Variants in ZNF692 observed in about 807,000 individuals in gnomAD.
The protein encoded by ZNF692 is AICAR responsive element binding protein.
ZNF692 carries 41 observed loss-of-function variants against 49.0 expected under a neutral mutation model. The observed-to-expected ratio is 0.84, with a 90% CI of 0.65 to 1.08. The LOEUF (loss-of-function observed/expected upper bound fraction) is 1.08. Ranked by LOEUF, ZNF692 falls within the 50% of genes least tolerant of loss-of-function variation. ZNF692 has a pLI of 0.00. For synonymous variants in ZNF692, 288 were observed against 251.5 expected, an observed-to-expected ratio of 1.15 and a Z score of -1.37; for missense variants, 662 against 662.2, an observed-to-expected ratio of 1.00 and a Z score of 0.00.
chr1:248,858,675 C>G lies in ZNF692; in HGVS notation c.-13+243G>C, dbSNP rs1255944515. ...TCCACACATTTCATCTTGAATAGGGCAGCGGCCTTTACTGGTTTCTAGGGG... is the reference window on the plus strand; with the variant it reads ...TCCACACATTTCATCTTGAATAGGGGAGCGGCCTTTACTGGTTTCTAGGGG... On this transcript the variant is annotated intron_variant, in intron 1 of 11. Transcript: ENST00000306601. The surrounding 1 kb of genome is among the most constrained non-coding windows in gnomAD (Gnocchi z 4.3). The G allele has an allele frequency of 4.2e-6, 4 of 944,672 alleles. No homozygotes were observed. The African/African-American group carries it at 6.5e-5, about 15-fold the overall frequency. The allele number at this position is 944,672 out of a possible 1,614,324, so 58.5% of individuals were successfully genotyped here.
At chr1:248,854,226 T>A in intron 9 of ZNF692, 175 bp from the exon 10 acceptor site, 1 of 586,912 alleles carries the variant, frequency 1.7e-6, no homozygotes, top group South Asian at 2.0e-5. Context: ...AGTCCTCACC[T>A]ACACCATGAG....
intron 3 of ZNF692, 41 bp from the exon 4 acceptor site, chr1:248,857,538 C>T: frequency 6.3e-7 from 1 of 1,583,708 alleles, no homozygotes; most frequent in South Asian, 1.2e-5. Flanking sequence ...ACTGGGAAGT[C>T]TCCTCCTCTT....
chr1:248,858,542 A>C lies in ZNF692; in HGVS notation c.-12-221T>G, dbSNP rs1393628233. On this transcript the variant is annotated intron_variant, in intron 1 of 11. Transcript: ENST00000306601. The surrounding 1 kb of genome is among the most constrained non-coding windows in gnomAD (Gnocchi z 4.3). ...GAGTGTCGTCGGGTGGGAGGCAGGCAGACAGAAGCAGTCAGAACAAAGGCC... is the reference window on the plus strand; with the variant it reads ...GAGTGTCGTCGGGTGGGAGGCAGGCCGACAGAAGCAGTCAGAACAAAGGCC... 1 of 1,551,754 alleles carries C rather than the reference A, an allele frequency of 6.4e-7. No individual in the cohort carries two copies. Among genetic ancestry groups the C allele is most frequent in the East Asian group, 2.4e-5 (1 of 40,926 alleles).
Position 248,858,746 on chromosome 1 carries a change from G to A in ZNF692, c.-13+172C>T. 1.6e-6 allele frequency: 1 copy of A among 636,958 alleles called. No individual in the cohort carries two copies. The highest frequency in any genetic ancestry group is 2.8e-6 in the Non-Finnish European group (1 of 359,830). The allele number at this position is 636,958 out of a possible 1,614,324, so 39.5% of individuals were successfully genotyped here. A position where few individuals can be genotyped will look rare whatever the true frequency, so the allele number is the denominator to read the frequency against. On this transcript the variant is annotated intron_variant, in intron 1 of 11. Coordinates refer to ENST00000306601, the MANE Select transcript of ZNF692 (RefSeq NM_017865.4). The surrounding 1 kb of genome is among the most constrained non-coding windows in gnomAD (Gnocchi z 4.3). ...CGTGCAGCTGGGGGCGCTCTTCATA[G>A]TTGGGTCGAGTGGCGGTGAGGCCGT...
In ZNF692 at chr1:248,858,609, C is replaced by G; in HGVS notation, c.-12-288G>C. 1 of 1,514,422 alleles carries G rather than the reference C, an allele frequency of 6.6e-7. No homozygotes were observed. The highest frequency in any genetic ancestry group is 9.0e-7 in the Non-Finnish European group (1 of 1,113,420). 93.8% of individuals were successfully genotyped at this position (1,514,422 alleles called of 1,614,324 possible). ...CTGAAGTGGAGCTGTGGGGAAGGGGCGAGAGACTTTCACGGGAAATTTCAA... is the reference window on the plus strand; with the variant it reads ...CTGAAGTGGAGCTGTGGGGAAGGGGGGAGAGACTTTCACGGGAAATTTCAA... On this transcript the variant is annotated intron_variant, in intron 1 of 11. Transcript: ENST00000306601. The surrounding 1 kb of genome is among the most constrained non-coding windows in gnomAD (Gnocchi z 4.3).
At position 248,850,740 on chromosome 1, in the gene ZNF692, G is replaced by C; in HGVS notation, c.1195C>G (p.Arg399Gly). Reference sequence around the variant, plus strand: ...TGGATGACAAGGTTGCTGCTAGTGCGGAAAGACCGGGCGCAGAACTCACAG... The same window carrying C: ...TGGATGACAAGGTTGCTGCTAGTGCCGAAAGACCGGGCGCAGAACTCACAG... ...YICEFCARSFRTSSNLVIHRR... is the reference protein window; with the variant it reads ...YICEFCARSFGTSSNLVIHRR... Residue 399 changes from arginine (R) to glycine (G), a missense_variant, in exon 11 of 12, where the codon CGC (arginine) becomes GGC (glycine). Transcript: ENST00000306601. The C allele has an allele frequency of 1.2e-6, 2 of 1,614,084 alleles. No individual in the cohort carries two copies. Among genetic ancestry groups the C allele is most frequent in the Non-Finnish European group, 1.7e-6 (2 of 1,180,006 alleles).
chr1:248,857,343 C>T lies in ZNF692; in HGVS notation c.366G>A (p.Trp122Ter), dbSNP rs1038484756. 1 of 1,614,086 alleles carries T rather than the reference C, an allele frequency of 6.2e-7. No homozygotes were observed. Among genetic ancestry groups the T allele is most frequent in the Non-Finnish European group, 8.5e-7 (1 of 1,180,012 alleles). ...WECSAGHTFS[W>*]GPSLSPTPSE... The stretch of plus-strand genomic sequence containing the variant: ...AAGGTGTAGGGCTCAAAGAGGGTCC[C>T]CAGGAGAAGGTATGGCCTGCTGAGC... Residue 122 changes from tryptophan (W) to a stop codon, truncating the protein, a stop_gained, in exon 4 of 12, where the codon TGG (tryptophan) becomes TGA (stop). Coordinates refer to ENST00000306601, the MANE Select transcript of ZNF692 (RefSeq NM_017865.4). LOFTEE classifies it high-confidence loss of function.
chr1:248,856,406 G>T lies in ZNF692; in HGVS notation c.541C>A (p.Pro181Thr). ...ARLPRRVGPP[P>T]ETFPPPGEEE... is the part of the protein sequence containing the mutation. ...TCTCCTGGAGGTGGGAAGGTCTCTGGTGGGGGTCCCACCCTCCTGCAGGCC... is the reference window on the plus strand; with the variant it reads ...TCTCCTGGAGGTGGGAAGGTCTCTGTTGGGGGTCCCACCCTCCTGCAGGCC... Residue 181 changes from proline (P) to threonine (T), a missense_variant, in exon 6 of 12, where the codon CCA becomes ACA. By Grantham distance (38) the Pro-to-Thr change is conservative. Coordinates refer to ENST00000306601, the MANE Select transcript of ZNF692 (RefSeq NM_017865.4). 1 of 1,613,218 alleles carries T rather than the reference G, an allele frequency of 6.2e-7. No homozygotes were observed.
chr1:248,850,284 C>G lies in ZNF692; in HGVS notation c.1486G>C (p.Gly496Arg). The G allele has an allele frequency of 6.2e-7, 1 of 1,607,048 alleles. No homozygotes were observed. The highest frequency in any genetic ancestry group is 8.5e-7 in the Non-Finnish European group (1 of 1,175,522). Residue 496 changes from glycine (G) to arginine (R), a missense_variant, in exon 12 of 12, where the codon GGG becomes CGG. By Grantham distance (125) the Gly-to-Arg change is moderately radical. Transcript: ENST00000306601. ...LEPCPSISAP[G>R]PLGSSEGSRP... Reference sequence around the variant, plus strand: ...GACCCCTCGCTGGATCCCAGAGGCCCAGGGGCAGAGATGCTGGGACAGGGC... The same window carrying G: ...GACCCCTCGCTGGATCCCAGAGGCCGAGGGGCAGAGATGCTGGGACAGGGC...
intron 4 of ZNF692, 34 bp downstream of exon 4, chr1:248,857,200 C>T (rs1350526195): frequency 6.4e-7 from 1 of 1,572,328 alleles, no homozygotes. Context: ...TTTTTCCTCC[C>T]TTTTCTCCAT....
intron 9 of ZNF692, chr1:248,854,570 A>ACACACACACACACACACACACACACACT (rs1273007739): frequency 0.011 from 1,748 of 154,146 alleles, 22 homozygotes; most frequent in Non-Finnish European, 0.016. Context: ...ACACACACAC[A>ACACACACACACACACACACACACACACT]CTCTCAACCT....
At chr1:248,852,131 A>T (rs1220613338) in intron 10 of ZNF692, among the ~76,000 whole-genome samples, 1 of 152,078 alleles carries the variant, frequency 6.6e-6, no homozygotes, top group Non-Finnish European at 1.5e-5. Flanking sequence ...CTAAAACCAC[A>T]AGTCTTAAGG....
At chr1:248,853,802 T>G (rs574170048) in intron 10 of ZNF692, 135 bp downstream of exon 10, 5 of 636,792 alleles carry the variant, frequency 7.9e-6, no homozygotes, top group South Asian at 7.7e-5. Flanking sequence ...CGGAGGGAGG[T>G]GAAGAAACCC....
chr1:248,857,760 G>A, intron 3 of ZNF692, 68 bp downstream of exon 3: 1 of 1,581,812 alleles, frequency 6.3e-7, no homozygotes, highest in Non-Finnish European at 8.6e-7. Flanking sequence ...TTTGAAAGGA[G>A]GGTGTTTCTG....
At chr1:248,857,955 T>C (rs1558261365) in intron 2 of ZNF692, 96 bp from the exon 3 acceptor site, 1 of 1,567,446 alleles carries the variant, frequency 6.4e-7, no homozygotes. Flanking sequence ...TAAGGGCCGC[T>C]ATTCGCTGAG....
Position 248,858,076 on chromosome 1 carries a change from G to C in ZNF692, c.179+55C>G, listed in dbSNP as rs569803642. ...GCAGCAGGACAGGCCCTGGAGAGGA[G>C]GCTAGGGGCTGCTGCCTGGGTACCC... On this transcript the variant is annotated intron_variant, in intron 2 of 11. Transcript: ENST00000306601. This position sits in a 1 kb window ranked among gnomAD's most constrained non-coding sequence, Gnocchi z 4.3. The C allele has an allele frequency of 2.4e-5, 37 of 1,547,684 alleles. No homozygotes were observed. Among genetic ancestry groups the C allele is most frequent in the Middle Eastern group, 1.7e-4 (1 of 5,902 alleles).
At chr1:248,853,888 A>G (rs1257263756) in intron 10 of ZNF692, 49 bp downstream of exon 10, 1 of 1,470,440 alleles carries the variant, frequency 6.8e-7, no homozygotes, top group Admixed American at 1.7e-5. Context: ...CGGGACCCAC[A>G]AAGGAAGGTA....
chr1:248,857,329 C>T lies in ZNF692; in HGVS notation c.380G>A (p.Ser127Asn), dbSNP rs778745423. Residue 127 changes from serine (S) to asparagine (N), a missense_variant, in exon 4 of 12, where the codon AGC becomes AAC. Physicochemically the swap from Ser to Asn is conservative, Grantham distance 46. Coordinates refer to ENST00000306601, the MANE Select transcript of ZNF692 (RefSeq NM_017865.4). ...GHTFSWGPSL[S>N]PTPSEAPKPA... ...CTTGGGTGCCTCTGAAGGTGTAGGG[C>T]TCAAAGAGGGTCCCCAGGAGAAGGT... is the stretch of plus-strand genomic sequence containing the variant. 2.5e-6 allele frequency: 4 copies of T among 1,614,152 alleles called. No individual in the cohort carries two copies. Among genetic ancestry groups the T allele is most frequent in the South Asian group, 1.1e-5 (1 of 91,084 alleles).
At chr1:248,856,129 AC>A in intron 6 of ZNF692, 158 bp downstream of exon 6, 1 of 1,300,496 alleles carries the variant, frequency 7.7e-7, no homozygotes, top group Non-Finnish European at 1.0e-6. Context: ...ACCCCTTTTC[AC>A]CCCCTCAGTT....
Sources: allele counts gnomAD v4.1 joint callset (sites outside exome capture counted in the v4.1 genomes callset), GRCh38; gene constraint gnomAD v4.1.1; non-coding constraint Gnocchi (gnomAD v3.1); transcripts MANE v1.5; gene names NCBI Gene and HGNC (gene_info 2026-07-23, HGNC 2026-07-21).